CACNA2D3: variants seen among roughly 807,000 people sequenced by gnomAD.
CACNA2D3 encodes the protein calcium voltage-gated channel auxiliary subunit alpha2delta 3, also known as voltage-dependent calcium channel subunit alpha-2/delta-3.
Under a neutral mutation model 160.6 loss-of-function variants are expected in CACNA2D3, and 60 were observed. That is an observed-to-expected ratio of 0.37 (90% confidence interval 0.30 to 0.46). The LOEUF is 0.46. CACNA2D3 is among the 20% of genes least tolerant of loss of function. The pLI, the probability that CACNA2D3 is intolerant of heterozygous loss-of-function variation, is 1.00. For synonymous variants in CACNA2D3, 558 were observed against 492.9 expected, an observed-to-expected ratio of 1.13 and a Z score of -1.75; for missense variants, 1,205 against 1,365.0, an observed-to-expected ratio of 0.88 and a Z score of 1.85.
At chr3:54,789,242 A>G (rs530091211) in intron 13 of CACNA2D3, among the ~76,000 whole-genome samples, 6 of 152,294 alleles carry the variant, frequency 3.9e-5, no homozygotes, top group South Asian at 4.1e-4. Context: ...TAATTGAATA[A>G]CTTTCCCAAA....
At chr3:54,181,167 T>G (rs1448084726) in intron 2 of CACNA2D3, among the ~76,000 whole-genome samples, 2 of 152,166 alleles carry the variant, frequency 1.3e-5, no homozygotes, top group South Asian at 2.1e-4. Context: ...AATCAAGCTG[T>G]CAGGTAGAAC....
At chr3:54,522,438 A>G (rs1450455777) in intron 5 of CACNA2D3, among the ~76,000 whole-genome samples, 1 of 152,130 alleles carries the variant, frequency 6.6e-6, no homozygotes, top group Non-Finnish European at 1.5e-5. Flanking sequence ...GTTTCTTAGG[A>G]ATTTCTATGT....
chr3:54,696,266 C>T (rs72872218), intron 11 of CACNA2D3, among the ~76,000 whole-genome samples: 25,170 of 152,166 alleles, frequency 0.17, 2,355 homozygotes, highest in Non-Finnish European at 0.21. Flanking sequence ...GCAGCCTTCA[C>T]GTTTCATCTC....
Position 54,897,089 on chromosome 3 carries a change from G to A in CACNA2D3, c.2368+219G>A. ...TTTTCCTTTACCAAATTATGTAAAT[G>A]TATTTCAGGAAGCAGGGCTGATGTT... On this transcript the variant is annotated intron_variant, in intron 26 of 37. Transcript: ENST00000474759. 3 of 509,916 alleles carry A rather than the reference G, an allele frequency of 5.9e-6. No homozygotes were observed. The South Asian group carries it at 9.3e-5, about 16-fold the overall frequency. The allele number at this position is 509,916 out of a possible 1,614,324, so 31.6% of individuals were successfully genotyped here. A position where few individuals can be genotyped will look rare whatever the true frequency, so the allele number is the denominator to read the frequency against.
chr3:54,247,618 A>G (rs1702106441), intron 2 of CACNA2D3, among the ~76,000 whole-genome samples: 2 of 151,688 alleles, frequency 1.3e-5, no homozygotes, highest in African/African-American at 4.9e-5. Context: ...AAAATAGACA[A>G]AGAATTCAAG....
At chr3:54,149,987 CT>C (rs1281092919) in intron 2 of CACNA2D3, among the ~76,000 whole-genome samples, 2 of 137,484 alleles carry the variant, frequency 1.5e-5, no homozygotes, top group Non-Finnish European at 3.1e-5. Flanking sequence ...CTTCCCTCCC[CT>C]CCCCCTCTGT....
At chr3:54,864,230 A>G (rs1353101051) in intron 17 of CACNA2D3, among the ~76,000 whole-genome samples, 4 of 151,888 alleles carry the variant, frequency 2.6e-5, no homozygotes, top group Non-Finnish European at 2.9e-5. Context: ...GGGCATCAGC[A>G]TATTGCTGCT....
rs549968628 is a variant in CACNA2D3, at chr3:54,370,690, G to A, written c.322-16025G>A. Among the ~76,000 whole-genome samples, 98 of 151,714 alleles carry A rather than the reference G, an allele frequency of 6.5e-4. 1 individual carries two copies. Among genetic ancestry groups the A allele is most frequent in the Admixed American group, 2.2e-3 (33 of 15,262 alleles). ...TCTAATATACTAGAGACACTTTTTT[G>A]GTAACAGTTTTATTGAAATAGTCAC... On this transcript the variant is annotated intron_variant, in intron 3 of 37. Transcript: ENST00000474759.
chr3:54,180,543 C>A (rs1576982671), intron 2 of CACNA2D3, among the ~76,000 whole-genome samples: 1 of 152,342 alleles, frequency 6.6e-6, no homozygotes, highest in East Asian at 1.9e-4. Context: ...ACTTGGACTT[C>A]CCTTAGTCCA....
chr3:54,533,555 G>C (rs1007974197), intron 5 of CACNA2D3, among the ~76,000 whole-genome samples: 8 of 151,906 alleles, frequency 5.3e-5, no homozygotes, highest in Non-Finnish European at 1.2e-4. Context: ...GGCTAGTCTC[G>C]AACTCCTGAC....
chr3:54,445,588 A>ACACT lies in CACNA2D3; in HGVS notation c.382-57903_382-57902insACTC, dbSNP rs887967244. On this transcript the variant is annotated intron_variant, in intron 4 of 37. Coordinates refer to ENST00000474759, the MANE Select transcript of CACNA2D3 (RefSeq NM_018398.3). ...CACACACACACACACACACACACAC[A>ACACT]CTCATGTGAAGAAGGAGAAAATGGA... Among the ~76,000 whole-genome samples, 3 of 150,438 alleles carry ACACT rather than the reference A, an allele frequency of 2.0e-5. No homozygotes were observed. In the East Asian group the frequency reaches 5.9e-4, roughly 29 times the overall value.
intron 10 of CACNA2D3, chr3:54,637,601 G>A (rs1699406922): frequency 6.6e-6 from 1 of 151,944 alleles, no homozygotes. Context: ...GGAGGCAAGG[G>A]AAACAGACCC....
At chr3:55,051,759 T>C (rs1336709656) in intron 35 of CACNA2D3, among the ~76,000 whole-genome samples, 3 of 152,106 alleles carry the variant, frequency 2.0e-5, no homozygotes, top group African/African-American at 7.2e-5. Flanking sequence ...TTAGCGAGAC[T>C]CCGTGGGCGT....
At chr3:54,982,435 C>T (rs1349052322) in intron 29 of CACNA2D3, among the ~76,000 whole-genome samples, 4 of 152,130 alleles carry the variant, frequency 2.6e-5, no homozygotes, top group Non-Finnish European at 5.9e-5. Context: ...CAGGTAGATG[C>T]ACCCCACTTA....
At chr3:54,605,766 C>A (rs1262182981) in intron 9 of CACNA2D3, among the ~76,000 whole-genome samples, 1 of 152,154 alleles carries the variant, frequency 6.6e-6, no homozygotes, top group Admixed American at 6.5e-5. Context: ...TACTGTGAAT[C>A]CTAGTGCACG....
At chr3:54,701,359 T>TCAA (rs1470631402) in intron 11 of CACNA2D3, among the ~76,000 whole-genome samples, 1 of 152,214 alleles carries the variant, frequency 6.6e-6, no homozygotes, top group African/African-American at 2.4e-5. Context: ...GCCTAATAGT[T>TCAA]GTTTGTAAGG....
intron 11 of CACNA2D3, among the ~76,000 whole-genome samples, chr3:54,646,144 TTCCTTCCC>T (rs1341826260): frequency 9.9e-5 from 3 of 30,312 alleles, no homozygotes; most frequent in African/African-American, 2.5e-4. Context: ...CCTTCCTTCC[TTCCTTCCC>T]TCCCTCCCTC....
intron 11 of CACNA2D3, among the ~76,000 whole-genome samples, chr3:54,677,199 G>A (rs756306456): frequency 2.0e-5 from 3 of 152,062 alleles, no homozygotes; most frequent in Non-Finnish European, 4.4e-5. Flanking sequence ...AACAGTACTT[G>A]GTACCATGAG....
chr3:54,152,804 A>G (rs1359664940), intron 2 of CACNA2D3, among the ~76,000 whole-genome samples: 2 of 152,240 alleles, frequency 1.3e-5, no homozygotes, highest in Non-Finnish European at 2.9e-5. Flanking sequence ...AAGTGTGAGA[A>G]AAAAACTCTG....
Sources: gnomAD v4.1 joint callset for allele counts (sites outside exome capture counted in the v4.1 genomes callset) on GRCh38, gnomAD v4.1.1 for gene constraint, MANE v1.5 for transcripts, NCBI Gene and HGNC (gene_info 2026-07-23, HGNC 2026-07-21) for gene names.